The following GNA11 variants were observed in gnomAD, a reference collection of about 807,000 sequenced individuals.
GNA11 encodes the protein G protein subunit alpha 11.
In GNA11, 8 loss-of-function variants were observed where a neutral mutation model predicts 38.2. The ratio of observed to expected loss-of-function variants is 0.21; its 90% CI spans 0.12 to 0.38. The LOEUF is 0.38. Ranked by LOEUF, GNA11 falls within the 10% of genes least tolerant of loss-of-function variation. The probability of loss-of-function intolerance (pLI) is 1.00; values close to 1 mark genes in which losing one functional copy is unlikely to be tolerated. For missense variants in GNA11, 268 were observed against 516.3 expected (o/e 0.52, Z 4.66); for synonymous variants, 211 against 221.4 (o/e 0.95, Z 0.42).
In GNA11 at chr19:3,119,247, C is replaced by T. The variant is rs1181877931; in HGVS notation, c.777C>T (p.Ile259=). Residue 259 remains isoleucine, a synonymous_variant, in exon 6 of 7, where the codon ATC becomes ATT. Transcript: ENST00000078429. The surrounding 1 kb of genome is among the most constrained non-coding windows in gnomAD (Gnocchi z 4.6). ...GCAAAGCCCTGTTCCGGACCATCAT[C>T]ACCTACCCCTGGTTCCAGAACTCCT... is the stretch of plus-strand genomic sequence containing the variant. ...EESKALFRTI[I]TYPWFQNSSV... is the part of the protein sequence containing the mutation. 3.3e-5 allele frequency: 53 copies of T among 1,613,812 alleles called. No individual in the cohort carries two copies. Among genetic ancestry groups the T allele is most frequent in the Non-Finnish European group, 4.5e-5 (53 of 1,179,900 alleles).
chr19:3,105,425 C>T (rs1003553228), intron 1 of GNA11, among the ~76,000 whole-genome samples: 9 of 149,096 alleles, frequency 6.0e-5, no homozygotes, highest in Non-Finnish European at 1.3e-4. Flanking sequence ...GTTGTGCTTC[C>T]TGGTACATAG....
chr19:3,108,377 G>A lies in GNA11; in HGVS notation c.137-1772G>A, dbSNP rs1913685933. Among the ~76,000 whole-genome samples the A allele has an allele frequency of 6.6e-6, 1 of 152,210 alleles. No individual in the cohort carries two copies. The highest frequency in any genetic ancestry group is 2.4e-5 in the African/African-American group (1 of 41,454). ...GGGCTTTCTAGAGCAGAGGCTGTGA[G>A]AGGAAGTGAGCTGGGTCCCAGCACC... On this transcript the variant is annotated intron_variant, in intron 1 of 6. Coordinates refer to ENST00000078429, the MANE Select transcript of GNA11 (RefSeq NM_002067.5). This position sits in a 1 kb window ranked among gnomAD's most constrained non-coding sequence, Gnocchi z 4.5.
At position 3,106,975 on chromosome 19, in the gene GNA11, G is replaced by A. The variant is rs547524412; in HGVS notation, c.137-3174G>A. On this transcript the variant is annotated intron_variant, in intron 1 of 6. Transcript: ENST00000078429. ...AAACAGGCCGGGCGCGGTGGCTCAC[G>A]CCTGTAATCCCAGCGCTTTGGGAAG... 1.8e-4 allele frequency among the ~76,000 whole-genome samples: 27 copies of A among 152,330 alleles called. No individual in the cohort carries two copies. The East Asian group carries it at 4.6e-3, about 26-fold the overall frequency.
intron 4 of GNA11, among the ~76,000 whole-genome samples, chr19:3,116,989 G>A (rs1158460430): frequency 6.6e-6 from 1 of 152,110 alleles, no homozygotes; most frequent in Non-Finnish European, 1.5e-5. Context: ...GGGAGGATGC[G>A]GCGTGAAGAT....
At chr19:3,102,045 G>A (rs921833977) in intron 1 of GNA11, among the ~76,000 whole-genome samples, 11 of 151,992 alleles carry the variant, frequency 7.2e-5, no homozygotes, top group African/African-American at 1.9e-4. Context: ...GCAGTGAGCC[G>A]AGATTGCACC....
Position 3,119,582 on chromosome 19 carries a change from A to G in GNA11, c.889+223A>G, listed in dbSNP as rs1914015716. Among the ~76,000 whole-genome samples the G allele has an allele frequency of 7.6e-6, 1 of 130,780 alleles. No homozygotes were observed. Among genetic ancestry groups the G allele is most frequent in the Non-Finnish European group, 1.6e-5 (1 of 63,836 alleles). 85.8% of individuals were successfully genotyped at this position (130,780 alleles called of 152,430 possible). On this transcript the variant is annotated intron_variant, in intron 6 of 6. Transcript: ENST00000078429. The surrounding 1 kb of genome is among the most constrained non-coding windows in gnomAD (Gnocchi z 4.6). ...CGCGGGTGTCTCATACCCGTGGGAGATCTGTTAATGCAGGGACTCCTTATA... is the reference window on the plus strand; with the variant it reads ...CGCGGGTGTCTCATACCCGTGGGAGGTCTGTTAATGCAGGGACTCCTTATA...
Position 3,120,428 on chromosome 19 carries a change from C to A in GNA11, c.890-561C>A, listed in dbSNP as rs1023984891. Among the ~76,000 whole-genome samples, 51 of 152,082 alleles carry A rather than the reference C, an allele frequency of 3.4e-4. No homozygotes were observed. Among genetic ancestry groups the A allele is most frequent in the African/African-American group, 1.2e-3 (49 of 41,440 alleles). ...CCTTGAACACCCCCAGGGGCCTTTC[C>A]ACCGGGGCAGGCAGGAGTTACTGGG... On this transcript the variant is annotated intron_variant, in intron 6 of 6. Coordinates refer to ENST00000078429, the MANE Select transcript of GNA11 (RefSeq NM_002067.5). The surrounding 1 kb of genome is among the most constrained non-coding windows in gnomAD (Gnocchi z 5.9).
chr19:3,115,794 GTCAC>G (rs1913899889), intron 4 of GNA11, among the ~76,000 whole-genome samples: 1 of 113,048 alleles, frequency 8.8e-6, no homozygotes, highest in African/African-American at 3.9e-5. Flanking sequence ...GAGGGGGGGG[GTCAC>G]GGGGACCGAG....
intron 1 of GNA11, among the ~76,000 whole-genome samples, chr19:3,099,185 GA>G (rs1206109677): frequency 6.6e-6 from 1 of 152,200 alleles, no homozygotes; most frequent in Admixed American, 6.5e-5. Flanking sequence ...GTGTGTGGTG[GA>G]GTCGGACGGA....
At position 3,119,513 on chromosome 19, in the gene GNA11, G is replaced by A. The variant is rs556458195; in HGVS notation, c.889+154G>A. The stretch of plus-strand genomic sequence containing the variant: ...TATGGGAGTGGAGTCTCAGGGAAGG[G>A]AGATCTCGTATGAGGGGGGCCTGTA... On this transcript the variant is annotated intron_variant, in intron 6 of 6. Coordinates refer to ENST00000078429, the MANE Select transcript of GNA11 (RefSeq NM_002067.5). This position sits in a 1 kb window ranked among gnomAD's most constrained non-coding sequence, Gnocchi z 4.6. 2.7e-5 allele frequency among the ~76,000 whole-genome samples: 4 copies of A among 150,774 alleles called. No individual in the cohort carries two copies. In the East Asian group the frequency reaches 7.8e-4, roughly 29 times the overall value.
At chr19:3,115,170 A>T (rs1913878639) in intron 4 of GNA11, 98 bp downstream of exon 4, 4 of 1,386,790 alleles carry the variant, frequency 2.9e-6, no homozygotes, top group Non-Finnish European at 4.0e-6. Flanking sequence ...TTGGGAGGCC[A>T]AGGCGGGAGG....
rs1914150428 is a variant in GNA11 at position 3,123,861 on chromosome 19, G to A, written c.*2682G>A. 4.3e-6 allele frequency: 1 copy of A among 232,534 alleles called. No individual in the cohort carries two copies. Among genetic ancestry groups the A allele is most frequent in the South Asian group, 1.8e-4 (1 of 5,530 alleles). 14.4% of individuals were successfully genotyped at this position (232,534 alleles called of 1,614,324 possible). On this transcript the variant is annotated 3_prime_UTR_variant, in exon 7 of 7. Coordinates refer to ENST00000078429, the MANE Select transcript of GNA11 (RefSeq NM_002067.5). ...GTTGTGCGCGTTGGGGATGGGAGGA[G>A]GGGCTGAGGAGCGGCTCAGTGTCAC...
rs1914145415 is a variant in GNA11 at position 3,123,632 on chromosome 19, GTCCCCCGGC to G, written c.*2460_*2468del. On this transcript the variant is annotated 3_prime_UTR_variant, in exon 7 of 7. Transcript: ENST00000078429. ...CGGCCACTGCAAACCCATGCCCTGG[GTCCCCCGGC>G]TCCCCCAGGGAGGCATCCCCGTGCC... The G allele has an allele frequency of 8.6e-6, 2 of 232,996 alleles. No homozygotes were observed. Among genetic ancestry groups the G allele is most frequent in the East Asian group, 1.2e-4 (2 of 16,526 alleles). 14.4% of individuals were successfully genotyped at this position (232,996 alleles called of 1,614,324 possible).
At chr19:3,107,772 C>T (rs1287166561) in intron 1 of GNA11, among the ~76,000 whole-genome samples, 1 of 152,148 alleles carries the variant, frequency 6.6e-6, no homozygotes, top group Non-Finnish European at 1.5e-5. Context: ...GAGCACCCCT[C>T]AGGGCCCAGG....
chr19:3,105,095 T>TGGGGGGGGGGGGGGGGGG (rs1913607630), intron 1 of GNA11, among the ~76,000 whole-genome samples: 1 of 15,058 alleles, frequency 6.6e-5, no homozygotes, highest in Non-Finnish European at 1.3e-4. Context: ...GGAGGGAGGG[T>TGGGGGGGGGGGGGGGGGG]GGGAGGGGTG....
intron 4 of GNA11, chr19:3,117,854 A>G (rs1363341604): frequency 6.6e-6 from 1 of 152,286 alleles, no homozygotes; most frequent in African/African-American, 2.4e-5. Context: ...GTGCGTGAGG[A>G]GAGGCTCCTG....
intron 1 of GNA11, among the ~76,000 whole-genome samples, chr19:3,103,522 T>G (rs1201176126): frequency 1.6e-3 from 64 of 39,348 alleles, no homozygotes; most frequent in South Asian, 0.015. Flanking sequence ...CTTGAATCTT[T>G]TTTTTTTTTT....
intron 1 of GNA11, among the ~76,000 whole-genome samples, chr19:3,100,189 G>C (rs1049276453): frequency 1.3e-5 from 2 of 152,320 alleles, no homozygotes; most frequent in East Asian, 3.9e-4. Flanking sequence ...GGCTCCGTGG[G>C]TGTTTTACAC....
At chr19:3,114,104 G>A (rs879882459) in intron 3 of GNA11, among the ~76,000 whole-genome samples, 4 of 152,090 alleles carry the variant, frequency 2.6e-5, no homozygotes, top group Admixed American at 6.5e-5. Context: ...ACCCTAAGGC[G>A]ACAGGGACAG....
Sources: allele counts gnomAD v4.1 joint callset (sites outside exome capture counted in the v4.1 genomes callset), GRCh38; gene constraint gnomAD v4.1.1; non-coding constraint Gnocchi (gnomAD v3.1); transcripts MANE v1.5; gene names NCBI Gene and HGNC (gene_info 2026-07-23, HGNC 2026-07-21).